The following AFF3 variants were observed in gnomAD, a reference collection of about 807,000 sequenced individuals.
AFF3 encodes AF4/FMR2 family member 3.
A neutral mutation model predicts 129.7 loss-of-function variants in AFF3; 32 were observed. The observed-to-expected ratio is 0.25, with a 90% CI of 0.19 to 0.33. AFF3 has a LOEUF of 0.33. Ranked by LOEUF, AFF3 falls within the 10% of genes least tolerant of loss-of-function variation. The pLI is 1.00. For missense variants in AFF3, 1,373 were observed against 1,592.0 expected (o/e 0.86, Z 2.34); for synonymous variants, 644 against 635.4 (o/e 1.01, Z -0.20).
intron 7 of AFF3, among the ~76,000 whole-genome samples, chr2:99,888,565 C>A (rs1052682055): frequency 2.0e-5 from 3 of 152,166 alleles, no homozygotes; most frequent in African/African-American, 7.2e-5. Context: ...GTAAGTCATG[C>A]AGTTTTTGAA....
intron 4 of AFF3, among the ~76,000 whole-genome samples, chr2:100,042,161 G>A (rs1685487153): frequency 6.6e-6 from 1 of 152,184 alleles, no homozygotes; most frequent in African/African-American, 2.4e-5. Flanking sequence ...TAAGAGAAAG[G>A]CCCTTGTCCC....
intron 13 of AFF3, among the ~76,000 whole-genome samples, chr2:99,644,928 G>A (rs1239711841): frequency 2.6e-5 from 4 of 151,990 alleles, no homozygotes; most frequent in African/African-American, 7.3e-5. Context: ...CAAATACACC[G>A]ACCCACAAGA....
chr2:99,620,747 G>A (rs973061262), intron 13 of AFF3, among the ~76,000 whole-genome samples: 13 of 152,302 alleles, frequency 8.5e-5, no homozygotes, highest in African/African-American at 2.9e-4. Context: ...TTTGGGTCAC[G>A]GGGGAGGATT....
chr2:99,645,349 A>C (rs1056944072), intron 13 of AFF3, among the ~76,000 whole-genome samples: 1 of 152,046 alleles, frequency 6.6e-6, no homozygotes, highest in Non-Finnish European at 1.5e-5. Context: ...AAACAAACAA[A>C]ACCAGAAAAG....
At chr2:99,856,744 A>G (rs1690560393) in intron 7 of AFF3, among the ~76,000 whole-genome samples, 1 of 152,130 alleles carries the variant, frequency 6.6e-6, no homozygotes, top group Non-Finnish European at 1.5e-5. Flanking sequence ...AAAATGTTGA[A>G]CTCCAGAGAC....
chr2:100,056,063 T>TCACACACACACACA (rs369771394), intron 4 of AFF3, among the ~76,000 whole-genome samples: 1 of 120,514 alleles, frequency 8.3e-6, no homozygotes, highest in African/African-American at 3.3e-5. Context: ...TGTCTCTCTC[T>TCACACACACACACA]CACACACACA....
At chr2:99,894,529 C>T (rs1459421757) in intron 7 of AFF3, among the ~76,000 whole-genome samples, 13 of 150,232 alleles carry the variant, frequency 8.7e-5, no homozygotes, top group South Asian at 8.4e-4. Flanking sequence ...AGTGCAGTGG[C>T]GCGATCTCAG....
chr2:100,059,277 A>AAAAAAAAC, intron 4 of AFF3, among the ~76,000 whole-genome samples: 4 of 151,492 alleles, frequency 2.6e-5, no homozygotes, highest in Non-Finnish European at 4.4e-5. Flanking sequence ...AAAAAAAAAA[A>AAAAAAAAC]AAGCAATGGA....
intron 13 of AFF3, among the ~76,000 whole-genome samples, chr2:99,637,073 T>C (rs937380688): frequency 3.3e-5 from 5 of 151,602 alleles, no homozygotes; most frequent in Non-Finnish European, 7.4e-5. Context: ...AGGGGGGAAA[T>C]GGAGAGGACG....
At chr2:99,854,320 A>C (rs993494965) in intron 7 of AFF3, among the ~76,000 whole-genome samples, 7 of 151,850 alleles carry the variant, frequency 4.6e-5, no homozygotes, top group Non-Finnish European at 1.5e-5. Context: ...TCAGTGCAGA[A>C]CTTTATTTGG....
intron 11 of AFF3, among the ~76,000 whole-genome samples, chr2:99,697,278 C>A (rs1055906504): frequency 3.9e-5 from 6 of 152,204 alleles, no homozygotes; most frequent in African/African-American, 1.4e-4. Flanking sequence ...CTGGGCAGCA[C>A]GGCAGGTGGG....
At chr2:99,670,699 A>G (rs967993482) in intron 12 of AFF3, among the ~76,000 whole-genome samples, 1 of 152,240 alleles carries the variant, frequency 6.6e-6, no homozygotes, top group Non-Finnish European at 1.5e-5. Context: ...CCAAAGCAGG[A>G]CAACTTAATG....
intron 4 of AFF3, among the ~76,000 whole-genome samples, chr2:100,056,557 G>A (rs746246754): frequency 2.0e-5 from 3 of 152,152 alleles, no homozygotes; most frequent in Non-Finnish European, 4.4e-5. Context: ...CCCAGGAGGC[G>A]TAAAGGCATT....
At chr2:99,766,093 T>C (rs1455593473) in intron 8 of AFF3, among the ~76,000 whole-genome samples, 1 of 152,166 alleles carries the variant, frequency 6.6e-6, no homozygotes, top group Non-Finnish European at 1.5e-5. Flanking sequence ...AGCGGGAGGC[T>C]ACCTGGCTAT....
At chr2:99,961,783 C>T (rs1576437241) in intron 7 of AFF3, among the ~76,000 whole-genome samples, 1 of 152,156 alleles carries the variant, frequency 6.6e-6, no homozygotes, top group Admixed American at 6.5e-5. Context: ...CATTTCCCAA[C>T]CCACAGCCTA....
At chr2:99,579,356 G>A (rs1194139381) in intron 17 of AFF3, among the ~76,000 whole-genome samples, 2 of 149,800 alleles carry the variant, frequency 1.3e-5, no homozygotes, top group African/African-American at 4.9e-5. Flanking sequence ...GGTGAGCCGA[G>A]ACCATGCCAT....
chr2:99,640,811 T>A (rs1192180403), intron 13 of AFF3, among the ~76,000 whole-genome samples: 1 of 152,208 alleles, frequency 6.6e-6, no homozygotes, highest in African/African-American at 2.4e-5. Flanking sequence ...GCAGAGACTG[T>A]AAGCTGGGCC....
chr2:100,006,742 A>G lies in AFF3; in HGVS notation c.763T>C (p.Ser255Pro), dbSNP rs1224288195. 1.2e-6 allele frequency: 2 copies of G among 1,614,184 alleles called. No homozygotes were observed. Residue 255 changes from serine (S) to proline (P), a missense_variant, in exon 7 of 25, where the codon TCG becomes CCG. Around this residue, in one of 9 missense-constraint regions of AFF3, gnomAD observed 413 missense variants for 424.4 expected, o/e 0.97. Transcript: ENST00000672756. ...GATGTGCAGTGCACGCTGGTTTCCG[A>G]AGACGACTTCAGCTTAGGAGACTCA... ...PDESPKLKSS[S>P]ETSVHCTSYR...
intron 18 of AFF3, among the ~76,000 whole-genome samples, chr2:99,572,987 C>CT (rs539682343): frequency 1.2e-3 from 179 of 152,280 alleles, no homozygotes; most frequent in Non-Finnish European, 2.1e-3. Context: ...TTCTTCAGGC[C>CT]ACAGGACTGC....
Sources: gnomAD v4.1 joint callset for allele counts (sites outside exome capture counted in the v4.1 genomes callset) on GRCh38, gnomAD v4.1.1 for gene constraint, gnomAD v4.1.1 regional missense constraint, MANE v1.5 for transcripts, NCBI Gene and HGNC (gene_info 2026-07-23, HGNC 2026-07-21) for gene names.